Variants in PHACTR2 observed in about 807,000 individuals in gnomAD.
PHACTR2 encodes the protein chromosome 6 open reading frame 56.
PHACTR2 carries 30 observed loss-of-function variants against 76.0 expected under a neutral mutation model. The ratio of observed to expected loss-of-function variants is 0.39; its 90% CI spans 0.30 to 0.54. PHACTR2 has a LOEUF of 0.54. PHACTR2 is among the 20% of genes least tolerant of loss of function. The probability of loss-of-function intolerance (pLI) is 0.61; values close to 1 mark genes in which losing one functional copy is unlikely to be tolerated. For synonymous variants in PHACTR2, 292 were observed against 292.5 expected (o/e 1.00, Z 0.02); for missense variants, 696 against 781.1 (o/e 0.89, Z 1.30).
chr6:143,640,289 T>C (rs1321449207), intron 1 of PHACTR2, among the ~76,000 whole-genome samples: 1 of 152,242 alleles, frequency 6.6e-6, no homozygotes, highest in African/African-American at 2.4e-5. Flanking sequence ...TTACTGTTTT[T>C]TAAAAGGTCA....
chr6:143,791,707 T>A lies in PHACTR2; in HGVS notation c.1845+2797T>A, dbSNP rs780935016. Among the ~76,000 whole-genome samples, 26 of 152,160 alleles carry A rather than the reference T, an allele frequency of 1.7e-4. No homozygotes were observed. Among genetic ancestry groups the A allele is most frequent in the Non-Finnish European group, 3.2e-4 (22 of 68,038 alleles). Reference sequence around the variant, plus strand: ...CACTATGTGGATTTTTTTTTTTACTTCTCCTTATAATTCTGTTAATTTTGC... The same window carrying A: ...CACTATGTGGATTTTTTTTTTTACTACTCCTTATAATTCTGTTAATTTTGC... On this transcript the variant is annotated intron_variant, in intron 11 of 12. Transcript: ENST00000440869. This position sits in a 1 kb window ranked among gnomAD's most constrained non-coding sequence, Gnocchi z 4.7.
At chr6:143,544,379 G>A (rs1457006334) in intron 1 of PHACTR2, among the ~76,000 whole-genome samples, 1 of 152,110 alleles carries the variant, frequency 6.6e-6, no homozygotes, top group Non-Finnish European at 1.5e-5. Context: ...CGATAGGTGA[G>A]AAAAGGTATC....
intron 2 of PHACTR2, among the ~76,000 whole-genome samples, chr6:143,714,631 C>G (rs80062135): frequency 1.3e-5 from 2 of 152,310 alleles, no homozygotes; most frequent in East Asian, 3.9e-4. Flanking sequence ...TTTCCAATAT[C>G]TTCAACTCTG....
At chr6:143,721,641 GTGTGTGTGTGTGTGTC>G (rs1778446135) in intron 2 of PHACTR2, among the ~76,000 whole-genome samples, 1 of 151,168 alleles carries the variant, frequency 6.6e-6, no homozygotes, top group Non-Finnish European at 1.5e-5. Context: ...CTTCTGATGT[GTGTGTGTGTGTGTGTC>G]TGTGTGTGTG....
chr6:143,813,486 T>G (rs568296058), intron 12 of PHACTR2, among the ~76,000 whole-genome samples: 1 of 151,834 alleles, frequency 6.6e-6, no homozygotes, highest in African/African-American at 2.4e-5. Context: ...GGCGTGGTGG[T>G]GGGCGCCTGT....
In PHACTR2 at chr6:143,610,712, T is replaced by C. The variant is rs1458321624; in HGVS notation, c.13+2390T>C. ...ATTTCAGCTATCATGGCATTGTGAA[T>C]CTGTCCTTTCTCTCCTTAGCAGCAA... On this transcript the variant is annotated intron_variant, in intron 1 of 11. Transcript: ENST00000305766. The surrounding 1 kb of genome is among the most constrained non-coding windows in gnomAD (Gnocchi z 4.9). Among the ~76,000 whole-genome samples the C allele has an allele frequency of 1.3e-5, 2 of 152,224 alleles. No homozygotes were observed. The highest frequency in any genetic ancestry group is 2.9e-5 in the Non-Finnish European group (2 of 68,042).
At chr6:143,579,515 A>T (rs1451458692) in intron 1 of PHACTR2, among the ~76,000 whole-genome samples, 1 of 152,036 alleles carries the variant, frequency 6.6e-6, no homozygotes, top group Non-Finnish European at 1.5e-5. Flanking sequence ...GTAGATTTTC[A>T]TATATAAGAG....
At chr6:143,749,222 G>C (rs900249328) in intron 3 of PHACTR2, among the ~76,000 whole-genome samples, 157 bp downstream of exon 3, 1 of 152,184 alleles carries the variant, frequency 6.6e-6, no homozygotes, top group Non-Finnish European at 1.5e-5. Flanking sequence ...ATGCCTTTGT[G>C]AGCTGCAGAG....
chr6:143,566,203 A>G lies in PHACTR2; in HGVS notation c.217+28996A>G, dbSNP rs151058654. Among the ~76,000 whole-genome samples the G allele has an allele frequency of 7.5e-4, 114 of 152,282 alleles. 1 individual carries two copies. The East Asian group carries it at 0.02, about 27-fold the overall frequency. On this transcript the variant is annotated intron_variant, in intron 1 of 11. Coordinates refer to the PHACTR2 transcript ENST00000367584. ...GGCCTTGAACTCCAGGCCTCAAGCA[A>G]TCCTCCTGCCTCAGCCTCCCAAAGT...
At position 143,599,904 on chromosome 6, in the gene PHACTR2, A is replaced by T. The variant is rs1219283338; in HGVS notation, c.217+62697A>T. Among the ~76,000 whole-genome samples the T allele has an allele frequency of 6.6e-6, 1 of 152,196 alleles. No homozygotes were observed. The highest frequency in any genetic ancestry group is 1.5e-5 in the Non-Finnish European group (1 of 68,028). On this transcript the variant is annotated intron_variant, in intron 1 of 11. Transcript: ENST00000367584. The surrounding 1 kb of genome is among the most constrained non-coding windows in gnomAD (Gnocchi z 4.6). ...ATGTGAGACAATTGGGAGTGGTGGA[A>T]ACTTTGGCAAACTCAGAGCAGATGC...
chr6:143,586,969 A>G (rs533225465), intron 1 of PHACTR2, among the ~76,000 whole-genome samples: 2 of 152,338 alleles, frequency 1.3e-5, no homozygotes, highest in African/African-American at 4.8e-5. Flanking sequence ...TCTCAGTAAC[A>G]TGAAATGGTT....
chr6:143,563,483 G>A (rs186014182), intron 1 of PHACTR2, among the ~76,000 whole-genome samples: 70 of 148,628 alleles, frequency 4.7e-4, no homozygotes, highest in African/African-American at 1.7e-3. Flanking sequence ...TTGAACCCGG[G>A]AGGTGGAGAT....
At position 143,776,312 on chromosome 6, in the gene PHACTR2, T is replaced by C. The variant is rs1313316652; in HGVS notation, c.1590-1016T>C. 6.6e-6 allele frequency among the ~76,000 whole-genome samples: 1 copy of C among 152,224 alleles called. No homozygotes were observed. Among genetic ancestry groups the C allele is most frequent in the African/African-American group, 2.4e-5 (1 of 41,476 alleles). ...AGGAAAGATATACTGTTATTATACA[T>C]GGTTGTATACCTAGAAAGCTCTAAA... On this transcript the variant is annotated intron_variant, in intron 8 of 12. Transcript: ENST00000440869. This position sits in a 1 kb window ranked among gnomAD's most constrained non-coding sequence, Gnocchi z 5.3.
rs1217467739 is a variant in PHACTR2, at chr6:143,659,122, T to A, written c.13+50800T>A. ...AGGTTGCCCTAGGTAAGTCTGTGAG[T>A]GAGTGATGGGTGAATGTGAAAGCCT... On this transcript the variant is annotated intron_variant, in intron 1 of 11. Transcript: ENST00000305766. The surrounding 1 kb of genome is among the most constrained non-coding windows in gnomAD (Gnocchi z 5.0). 6.6e-6 allele frequency among the ~76,000 whole-genome samples: 1 copy of A among 151,830 alleles called. No homozygotes were observed. The highest frequency in any genetic ancestry group is 1.5e-5 in the Non-Finnish European group (1 of 67,970).
rs1488159383 is a variant in PHACTR2, at chr6:143,578,929, G to C, written c.217+41722G>C. On this transcript the variant is annotated intron_variant, in intron 1 of 11. Coordinates refer to the PHACTR2 transcript ENST00000367584. This position sits in a 1 kb window ranked among gnomAD's most constrained non-coding sequence, Gnocchi z 4.5. The stretch of plus-strand genomic sequence containing the variant: ...ACTTTTTTTTTTGTTGTTGAGACAG[G>C]ATCTTGTTCTGGCACCCAGGCTGGA... Among the ~76,000 whole-genome samples, 1 of 151,986 alleles carries C rather than the reference G, an allele frequency of 6.6e-6. No homozygotes were observed. Among genetic ancestry groups the C allele is most frequent in the East Asian group, 1.9e-4 (1 of 5,184 alleles).
In PHACTR2 at chr6:143,641,183, C is replaced by G. The variant is rs1044863828; in HGVS notation, c.13+32861C>G. Among the ~76,000 whole-genome samples, 1 of 152,076 alleles carries G rather than the reference C, an allele frequency of 6.6e-6. No homozygotes were observed. Among genetic ancestry groups the G allele is most frequent in the African/African-American group, 2.4e-5 (1 of 41,406 alleles). ...CATTTTATCGCAACATTAATCCCAC[C>G]CTTTGCAGTGGAGACCTCATGGCTT... is the stretch of plus-strand genomic sequence containing the variant. On this transcript the variant is annotated intron_variant, in intron 1 of 11. Coordinates refer to the PHACTR2 transcript ENST00000305766. The surrounding 1 kb of genome is among the most constrained non-coding windows in gnomAD (Gnocchi z 5.8).
rs1299966890 is a variant in PHACTR2 at position 143,827,103 on chromosome 6, C to T, written c.*3414C>T. Reference sequence around the variant, plus strand: ...CCTTAAAACCTGAGTCAAAAAAGGTCCAGTTTTACAGCCTGCAATTAATTC... The same window carrying T: ...CCTTAAAACCTGAGTCAAAAAAGGTTCAGTTTTACAGCCTGCAATTAATTC... On this transcript the variant is annotated 3_prime_UTR_variant, in exon 13 of 13. Transcript: ENST00000440869. 2 of 137,090 alleles carry T rather than the reference C, an allele frequency of 1.5e-5. No homozygotes were observed. Among genetic ancestry groups the T allele is most frequent in the Non-Finnish European group, 3.1e-5 (2 of 65,262 alleles). 8.5% of individuals were successfully genotyped at this position (137,090 alleles called of 1,614,324 possible).
chr6:143,695,555 G>C lies in PHACTR2; in HGVS notation c.47-16461G>C, dbSNP rs1777753361. Among the ~76,000 whole-genome samples, 1 of 152,152 alleles carries C rather than the reference G, an allele frequency of 6.6e-6. No individual in the cohort carries two copies. The highest frequency in any genetic ancestry group is 6.5e-5 in the Admixed American group (1 of 15,272). On this transcript the variant is annotated intron_variant, in intron 1 of 12. Transcript: ENST00000440869. The surrounding 1 kb of genome is among the most constrained non-coding windows in gnomAD (Gnocchi z 4.4). ...GTGCCAGTCCAGGTTTATTTTCATTGCTGGGCACTGCAGTCCTAGAGGCAA... is the reference window on the plus strand; with the variant it reads ...GTGCCAGTCCAGGTTTATTTTCATTCCTGGGCACTGCAGTCCTAGAGGCAA...
chr6:143,550,956 T>G lies in PHACTR2; in HGVS notation c.217+13749T>G, dbSNP rs1775086590. Among the ~76,000 whole-genome samples, 1 of 151,980 alleles carries G rather than the reference T, an allele frequency of 6.6e-6. No homozygotes were observed. Among genetic ancestry groups the G allele is most frequent in the Non-Finnish European group, 1.5e-5 (1 of 67,948 alleles). Reference sequence around the variant, plus strand: ...TGGGAACTGAGGCAGGAGGATCACTTGAGCCTGGGAGGTTGAGACTACATG... The same window carrying G: ...TGGGAACTGAGGCAGGAGGATCACTGGAGCCTGGGAGGTTGAGACTACATG... On this transcript the variant is annotated intron_variant, in intron 1 of 11. Coordinates refer to the PHACTR2 transcript ENST00000367584. The surrounding 1 kb of genome is among the most constrained non-coding windows in gnomAD (Gnocchi z 4.8).
Sources: allele counts gnomAD v4.1 joint callset (sites outside exome capture counted in the v4.1 genomes callset), GRCh38; gene constraint gnomAD v4.1.1; non-coding constraint Gnocchi (gnomAD v3.1); transcripts MANE v1.5; gene names NCBI Gene and HGNC (gene_info 2026-07-23, HGNC 2026-07-21).